Variants in WWOX observed in about 807,000 individuals in gnomAD.
WWOX encodes WW domain containing oxidoreductase, also known as WW domain-containing oxidoreductase.
In WWOX, 69 loss-of-function variants were observed where a neutral mutation model predicts 46.2. The ratio of observed to expected loss-of-function variants is 1.49; its 90% CI spans 1.23 to 1.82. The LOEUF is 1.82. Ranked by LOEUF, WWOX falls within the 40% of genes most tolerant of loss-of-function variation. The pLI is 0.00. For synonymous variants in WWOX, 359 were observed against 202.6 expected (o/e 1.77, Z -6.56); for missense variants, 919 against 542.6 (o/e 1.69, Z -6.89).
At chr16:79,109,027 C>A (rs1293067200) in intron 8 of WWOX, among the ~76,000 whole-genome samples, 1 of 151,954 alleles carries the variant, frequency 6.6e-6, no homozygotes, top group Non-Finnish European at 1.5e-5. Flanking sequence ...GATGCAAGCT[C>A]AGATCATCAC....
intron 8 of WWOX, among the ~76,000 whole-genome samples, chr16:78,926,783 A>G (rs573655546): frequency 1.3e-5 from 2 of 152,144 alleles, no homozygotes; most frequent in East Asian, 1.9e-4. Context: ...GCTGAGTGCC[A>G]GTTTGTTTTT....
chr16:78,818,119 C>A (rs1333424229), intron 8 of WWOX, among the ~76,000 whole-genome samples: 1 of 152,194 alleles, frequency 6.6e-6, no homozygotes, highest in East Asian at 1.9e-4. Flanking sequence ...CTTTTATAAA[C>A]CTGCCTTGAC....
chr16:78,242,169 G>T lies in WWOX; in HGVS notation c.516+77880G>T, dbSNP rs140778516. Among the ~76,000 whole-genome samples the T allele has an allele frequency of 3.3e-5, 5 of 152,266 alleles. No individual in the cohort carries two copies. In the East Asian group the frequency reaches 9.6e-4, roughly 29 times the overall value. ...TTCTGCCTCGGGTAGAAATAATTCA[G>T]ATTTCACTCTCCATTTTCTTTAATG... is the stretch of plus-strand genomic sequence containing the variant. On this transcript the variant is annotated intron_variant, in intron 5 of 8. Coordinates refer to ENST00000566780, the MANE Select transcript of WWOX (RefSeq NM_016373.4).
intron 8 of WWOX, among the ~76,000 whole-genome samples, chr16:78,811,719 A>C (rs1456786834): frequency 6.6e-6 from 1 of 151,926 alleles, no homozygotes; most frequent in African/African-American, 2.4e-5. Context: ...GAGGGGACCC[A>C]TCCTCAAGAC....
intron 5 of WWOX, among the ~76,000 whole-genome samples, chr16:78,251,880 C>T (rs967690417): frequency 6.6e-6 from 1 of 152,156 alleles, no homozygotes; most frequent in Non-Finnish European, 1.5e-5. Context: ...GTGTGGATTT[C>T]ATTTATCCAT....
intron 6 of WWOX, among the ~76,000 whole-genome samples, chr16:78,409,240 A>G (rs917134497): frequency 2.0e-5 from 3 of 152,030 alleles, no homozygotes; most frequent in Non-Finnish European, 4.4e-5. Flanking sequence ...TAAAGCTAGC[A>G]CTGTACAATA....
At chr16:78,133,080 A>G (rs1442126112) in intron 4 of WWOX, among the ~76,000 whole-genome samples, 1 of 152,190 alleles carries the variant, frequency 6.6e-6, no homozygotes, top group Non-Finnish European at 1.5e-5. Context: ...TAGCCAAATT[A>G]AGATCTCACC....
Position 78,390,026 on chromosome 16 carries a change from C to T in WWOX, c.605+3078C>T, listed in dbSNP as rs375242409. ...CCTCCCAAACTGCTGGAATTACAGG[C>T]GTGAGCCACCCTGCCCGACCCTTTC... On this transcript the variant is annotated intron_variant, in intron 6 of 8. Transcript: ENST00000566780. Among the ~76,000 whole-genome samples the T allele has an allele frequency of 1.5e-4, 23 of 152,314 alleles. 1 individual carries two copies. Among genetic ancestry groups the T allele is most frequent in the African/African-American group, 4.8e-4 (20 of 41,584 alleles).
At chr16:78,482,913 AAC>A (rs1451333103) in intron 8 of WWOX, among the ~76,000 whole-genome samples, 1 of 152,186 alleles carries the variant, frequency 6.6e-6, no homozygotes, top group African/African-American at 2.4e-5. Flanking sequence ...ATGAAAAAGA[AAC>A]AGTCATTCAT....
At chr16:78,560,276 C>T (rs1304839216) in intron 8 of WWOX, among the ~76,000 whole-genome samples, 8 of 152,084 alleles carry the variant, frequency 5.3e-5, no homozygotes, top group Non-Finnish European at 1.2e-4. Context: ...GAGTAAGATA[C>T]GGCAGAGAAA....
intron 8 of WWOX, among the ~76,000 whole-genome samples, chr16:78,919,461 C>T (rs985309169): frequency 1.3e-5 from 2 of 151,624 alleles, no homozygotes; most frequent in African/African-American, 4.8e-5. Flanking sequence ...TCACTACCTT[C>T]TAACAGCAAT....
intron 4 of WWOX, chr16:78,129,923 C>T (rs547958660): frequency 4.6e-5 from 7 of 152,160 alleles, no homozygotes; most frequent in African/African-American, 1.7e-4. Flanking sequence ...ACTATAGTTC[C>T]CATGATCCCC....
chr16:78,113,795 A>G (rs1295388551), intron 3 of WWOX, among the ~76,000 whole-genome samples: 5 of 152,164 alleles, frequency 3.3e-5, no homozygotes, highest in Admixed American at 1.3e-4. Flanking sequence ...GTGTGTGTAT[A>G]ATATTGGGGT....
chr16:78,883,369 G>A (rs991490340), intron 8 of WWOX, among the ~76,000 whole-genome samples: 1 of 152,142 alleles, frequency 6.6e-6, no homozygotes, highest in African/African-American at 2.4e-5. Context: ...ACTGTAGTGG[G>A]AAACTCGTGA....
chr16:78,192,769 G>T (rs1423387362), intron 5 of WWOX, among the ~76,000 whole-genome samples: 1 of 152,062 alleles, frequency 6.6e-6, no homozygotes, highest in African/African-American at 2.4e-5. Flanking sequence ...TGTTTGGTGA[G>T]AATTTACTTG....
intron 5 of WWOX, among the ~76,000 whole-genome samples, chr16:78,293,131 G>A (rs1487894749): frequency 6.6e-6 from 1 of 152,180 alleles, no homozygotes; most frequent in Non-Finnish European, 1.5e-5. Flanking sequence ...ATCAGGCTGG[G>A]ACACAAGCCA....
At chr16:78,444,112 C>G (rs1245425551) in intron 8 of WWOX, among the ~76,000 whole-genome samples, 1 of 152,206 alleles carries the variant, frequency 6.6e-6, no homozygotes, top group South Asian at 2.1e-4. Context: ...CGGAACTCCT[C>G]TCCCTCTTCT....
intron 6 of WWOX, among the ~76,000 whole-genome samples, chr16:78,403,049 G>T (rs1403387868): frequency 6.6e-6 from 1 of 152,228 alleles, no homozygotes; most frequent in Non-Finnish European, 1.5e-5. Context: ...GCACACGGCT[G>T]TCAGGGGCTT....
At chr16:78,738,021 G>T (rs1482684818) in intron 8 of WWOX, among the ~76,000 whole-genome samples, 1 of 152,168 alleles carries the variant, frequency 6.6e-6, no homozygotes, top group Admixed American at 6.5e-5. Flanking sequence ...GTCAGAGCCC[G>T]GTGGACTTCT....
Sources: allele counts gnomAD v4.1 joint callset (sites outside exome capture counted in the v4.1 genomes callset), GRCh38; gene constraint gnomAD v4.1.1; transcripts MANE v1.5; gene names NCBI Gene and HGNC (gene_info 2026-07-23, HGNC 2026-07-21).